The following MEI4 variants were observed in gnomAD, a reference collection of about 807,000 sequenced individuals.
MEI4 encodes meiotic double-stranded break formation protein 4, also known as meiosis-specific protein MEI4.
MEI4 carries 27 observed loss-of-function variants against 31.4 expected under a neutral mutation model. The observed-to-expected ratio is 0.86, with a 90% CI of 0.63 to 1.19. The LOEUF (loss-of-function observed/expected upper bound fraction) is 1.19, where lower values mean the gene tolerates loss of function less well. Among genes scored for constraint, MEI4 ranks in the 50% most tolerant of loss-of-function variants. The pLI, the probability that MEI4 is intolerant of heterozygous loss-of-function variation, is 0.00. For missense variants in MEI4, 329 were observed against 398.9 expected (o/e 0.82, Z 1.49); for synonymous variants, 122 against 145.4 (o/e 0.84, Z 1.16).
intron 3 of MEI4, among the ~76,000 whole-genome samples, chr6:77,767,144 G>C (rs889582851): frequency 5.3e-5 from 8 of 152,078 alleles, no homozygotes; most frequent in Non-Finnish European, 1.0e-4. Context: ...CACTTTGGGA[G>C]GCCTAGGCAG....
chr6:77,823,546 A>C (rs1769877232), intron 3 of MEI4, among the ~76,000 whole-genome samples: 1 of 152,180 alleles, frequency 6.6e-6, no homozygotes, highest in Non-Finnish European at 1.5e-5. Context: ...TATGGTTGAT[A>C]CTGCTAGATG....
At chr6:77,920,861 A>G (rs1766687231) in intron 4 of MEI4, among the ~76,000 whole-genome samples, 1 of 151,928 alleles carries the variant, frequency 6.6e-6, no homozygotes, top group African/African-American at 2.4e-5. Flanking sequence ...TGTAAGTCTC[A>G]ACAGTAGGCT....
intron 2 of MEI4, among the ~76,000 whole-genome samples, chr6:77,755,506 C>T (rs148560292): frequency 8.2e-4 from 125 of 151,984 alleles, no homozygotes; most frequent in Middle Eastern, 3.4e-3. Flanking sequence ...GAAACCTCCA[C>T]CTCCCATGTT....
chr6:77,656,487 A>G (rs897438895), intron 1 of MEI4, among the ~76,000 whole-genome samples: 4 of 152,206 alleles, frequency 2.6e-5, no homozygotes, highest in East Asian at 3.9e-4. Context: ...TTTATGTTCT[A>G]TTATTCATGC....
In MEI4 at chr6:77,864,164, T is replaced by G. The variant is rs1018695139; in HGVS notation, c.900+35102T>G. Among the ~76,000 whole-genome samples the G allele has an allele frequency of 5.3e-5, 8 of 152,274 alleles. No individual in the cohort carries two copies. In the South Asian group the frequency reaches 8.3e-4, roughly 16 times the overall value. ...AAGACCATCGAGGCTAGGAAGTAAC[T>G]GCATCAACTAACAAGCAAAATAACC... On this transcript the variant is annotated intron_variant, in intron 4 of 4. Transcript: ENST00000684080.
chr6:77,774,299 G>A (rs1472390049), intron 3 of MEI4, among the ~76,000 whole-genome samples: 1 of 151,916 alleles, frequency 6.6e-6, no homozygotes, highest in Non-Finnish European at 1.5e-5. Flanking sequence ...ATAAAATGTG[G>A]TACATACACA....
chr6:77,869,855 G>A (rs917924392), intron 4 of MEI4, among the ~76,000 whole-genome samples: 4 of 152,110 alleles, frequency 2.6e-5, no homozygotes, highest in African/African-American at 7.2e-5. Flanking sequence ...ATAAATATTT[G>A]GTGAATACGA....
intron 4 of MEI4, among the ~76,000 whole-genome samples, chr6:77,910,711 T>C (rs1287987887): frequency 6.6e-6 from 1 of 152,114 alleles, no homozygotes; most frequent in Non-Finnish European, 1.5e-5. Context: ...CTATTGTGAA[T>C]AGGGTTCCAG....
chr6:77,671,857 G>C (rs1280183252), intron 1 of MEI4, among the ~76,000 whole-genome samples: 1 of 152,168 alleles, frequency 6.6e-6, no homozygotes. Context: ...TGGGATCTCA[G>C]CTTGGCTCTC....
chr6:77,923,394 T>C lies in MEI4; in HGVS notation c.*48T>C. The C allele has an allele frequency of 2.2e-5, 27 of 1,207,958 alleles. No individual in the cohort carries two copies. Among genetic ancestry groups the C allele is most frequent in the Non-Finnish European group, 2.8e-5 (27 of 966,936 alleles). 74.8% of individuals were successfully genotyped at this position (1,207,958 alleles called of 1,614,324 possible). On this transcript the variant is annotated 3_prime_UTR_variant, in exon 5 of 5. Coordinates refer to ENST00000684080, the MANE Select transcript of MEI4 (RefSeq NM_001322247.2). ...ACGTTTGAAGCATAATAAAGTAGAA[T>C]ATATGAAAATCTCATACTGAAAAGA...
intron 2 of MEI4, among the ~76,000 whole-genome samples, chr6:77,698,466 G>A (rs1255008500): frequency 6.6e-6 from 1 of 152,124 alleles, no homozygotes; most frequent in African/African-American, 2.4e-5. Context: ...AGGCCTGGTG[G>A]TGACAAAATC....
intron 3 of MEI4, among the ~76,000 whole-genome samples, chr6:77,773,191 G>A (rs1768359364): frequency 6.6e-6 from 1 of 151,764 alleles, no homozygotes; most frequent in Admixed American, 6.6e-5. Flanking sequence ...AGAAAAAATA[G>A]TCCTAAAACT....
intron 4 of MEI4, among the ~76,000 whole-genome samples, chr6:77,864,459 C>G (rs1043344420): frequency 4.6e-5 from 7 of 151,350 alleles, no homozygotes; most frequent in African/African-American, 1.7e-4. Flanking sequence ...GACTTTAAAC[C>G]AACAAAGATC....
At chr6:77,716,923 T>A (rs1423488234) in intron 2 of MEI4, 3 of 932,724 alleles carry the variant, frequency 3.2e-6, no homozygotes. Flanking sequence ...TACTCACAGC[T>A]TTGTTGAAAG....
intron 3 of MEI4, among the ~76,000 whole-genome samples, chr6:77,784,211 T>C (rs1164225431): frequency 6.6e-6 from 1 of 152,170 alleles, no homozygotes; most frequent in Non-Finnish European, 1.5e-5. Flanking sequence ...GGCAACTGAT[T>C]TCAGAATAAA....
At chr6:77,679,412 A>G (rs1768909195) in intron 1 of MEI4, among the ~76,000 whole-genome samples, 3 of 72,796 alleles carry the variant, frequency 4.1e-5, no homozygotes, top group Non-Finnish European at 8.3e-5. Flanking sequence ...ATTGTGTTAC[A>G]GTTGCCTACA....
chr6:77,739,583 C>T (rs1238612471), intron 2 of MEI4, among the ~76,000 whole-genome samples: 1 of 151,890 alleles, frequency 6.6e-6, no homozygotes, highest in Non-Finnish European at 1.5e-5. Context: ...GGGTGGGGAG[C>T]AAGGGGAGGG....
chr6:77,768,937 T>TA (rs1172444032), intron 3 of MEI4, among the ~76,000 whole-genome samples: 2 of 152,128 alleles, frequency 1.3e-5, no homozygotes, highest in African/African-American at 4.8e-5. Flanking sequence ...CAGAGCAAGA[T>TA]ACCCAAATAC....
intron 1 of MEI4, among the ~76,000 whole-genome samples, chr6:77,659,219 T>C (rs1391625459): frequency 6.6e-6 from 1 of 152,046 alleles, no homozygotes; most frequent in Non-Finnish European, 1.5e-5. Context: ...ATAACTCTTT[T>C]TTGTCGTGTC....
Sources: allele counts gnomAD v4.1 joint callset (sites outside exome capture counted in the v4.1 genomes callset), GRCh38; gene constraint gnomAD v4.1.1; transcripts MANE v1.5; gene names NCBI Gene and HGNC (gene_info 2026-07-23, HGNC 2026-07-21).